ASPA: variants seen among roughly 807,000 people sequenced by gnomAD.
ASPA encodes ACY-2.
ASPA carries 25 observed loss-of-function variants against 29.6 expected under a neutral mutation model. The observed-to-expected ratio is 0.85, with a 90% CI of 0.62 to 1.18. The LOEUF (loss-of-function observed/expected upper bound fraction) is 1.18, where lower values mean the gene tolerates loss of function less well. ASPA is among the 50% of genes most tolerant of loss of function. The pLI, the probability that ASPA is intolerant of heterozygous loss-of-function variation, is 0.00. For missense variants in ASPA, 333 were observed against 385.7 expected (o/e 0.86, Z 1.14); for synonymous variants, 131 against 130.3 (o/e 1.01, Z -0.04).
Position 3,476,133 on chromosome 17 carries a change from G to A in ASPA, c.-27G>A. 6.3e-7 allele frequency: 1 copy of A among 1,591,454 alleles called. No individual in the cohort carries two copies. Among genetic ancestry groups the A allele is most frequent in the Non-Finnish European group, 8.6e-7 (1 of 1,160,406 alleles). On this transcript the variant is annotated 5_prime_UTR_variant, in exon 1 of 6. Coordinates refer to ENST00000263080, the MANE Select transcript of ASPA (RefSeq NM_000049.4). ...CCTTTGATCTCTCTTCTGAATTGCA[G>A]AAATCAGATAAAAACTACTTGGTGA...
intron 1 of ASPA, among the ~76,000 whole-genome samples, chr17:3,478,619 C>T (rs987149290): frequency 6.6e-6 from 1 of 152,114 alleles, no homozygotes; most frequent in Non-Finnish European, 1.5e-5. Context: ...TATGAGCACC[C>T]AGTAGTATGC....
In ASPA at chr17:3,490,541, G is replaced by A. The variant is rs955086799; in HGVS notation, c.634+1199G>A. Among the ~76,000 whole-genome samples, 5 of 145,888 alleles carry A rather than the reference G, an allele frequency of 3.4e-5. No homozygotes were observed. Among genetic ancestry groups the A allele is most frequent in the East Asian group, 1.9e-4 (1 of 5,156 alleles). ...TGAATTCCTCAACCTCAGATCGTGC[G>A]CACCCCACTGCAATCACAGACATTC... is the stretch of plus-strand genomic sequence containing the variant. On this transcript the variant is annotated intron_variant, in intron 4 of 5. Transcript: ENST00000263080. The surrounding 1 kb of genome is among the most constrained non-coding windows in gnomAD (Gnocchi z 4.6).
rs1010205367 is a variant in ASPA at position 3,485,290 on chromosome 17, G to A, written c.526+1698G>A. The stretch of plus-strand genomic sequence containing the variant: ...CTCCCAAAGTGCTGGGATTACAAGC[G>A]TGAGCCACCACACCTGTACCTCATT... On this transcript the variant is annotated intron_variant, in intron 3 of 5. Coordinates refer to ENST00000263080, the MANE Select transcript of ASPA (RefSeq NM_000049.4). The surrounding 1 kb of genome is among the most constrained non-coding windows in gnomAD (Gnocchi z 4.4). Among the ~76,000 whole-genome samples the A allele has an allele frequency of 2.0e-5, 3 of 152,092 alleles. No homozygotes were observed. Among genetic ancestry groups the A allele is most frequent in the Admixed American group, 6.6e-5 (1 of 15,262 alleles).
intron 1 of ASPA, among the ~76,000 whole-genome samples, chr17:3,481,030 G>T (rs1332555053): frequency 6.6e-6 from 1 of 152,088 alleles, no homozygotes; most frequent in African/African-American, 2.4e-5. Context: ...GGCTGAGATG[G>T]GAAGATTGCT....
chr17:3,498,767 C>T, intron 5 of ASPA, 124 bp from the exon 6 acceptor site: 1 of 987,534 alleles, frequency 1.0e-6, no homozygotes, highest in East Asian at 2.8e-5. Context: ...ATCTCAATGC[C>T]TCGCTCAAGT....
Position 3,490,276 on chromosome 17 carries a change from T to G in ASPA, c.634+934T>G, listed in dbSNP as rs560770288. Among the ~76,000 whole-genome samples the G allele has an allele frequency of 1.3e-5, 2 of 152,298 alleles. No individual in the cohort carries two copies. Among genetic ancestry groups the G allele is most frequent in the South Asian group, 2.1e-4 (1 of 4,826 alleles). ...TAAAAATTAATTAAACGGGGACTGG[T>G]GGACAAGGTGGGTATATGCAGCTCT... On this transcript the variant is annotated intron_variant, in intron 4 of 5. Coordinates refer to ENST00000263080, the MANE Select transcript of ASPA (RefSeq NM_000049.4). The surrounding 1 kb of genome is among the most constrained non-coding windows in gnomAD (Gnocchi z 4.6).
In ASPA at chr17:3,503,062, T is replaced by G. The variant is rs887432011; in HGVS notation, c.*3974T>G. The G allele has an allele frequency of 1.3e-5, 2 of 152,102 alleles. No homozygotes were observed. The highest frequency in any genetic ancestry group is 4.8e-5 in the African/African-American group (2 of 41,408). The allele number at this position is 152,102 out of a possible 1,614,324, so 9.4% of individuals were successfully genotyped here. ...TCTGCTGGACGCCGCCCCCTCCCTC[T>G]CCAGCCCCACCAGGGCCCTCCCCGC... On this transcript the variant is annotated 3_prime_UTR_variant, in exon 6 of 6. Transcript: ENST00000263080.
chr17:3,494,970 A>G (rs2073885738), intron 5 of ASPA, among the ~76,000 whole-genome samples: 1 of 152,140 alleles, frequency 6.6e-6, no homozygotes, highest in African/African-American at 2.4e-5. Flanking sequence ...CCTCCCTGTG[A>G]CAGAATAAGT....
rs201887670 is a variant in ASPA at position 3,494,392 on chromosome 17, T to A, written c.677T>A (p.Ile226Lys). 6.2e-7 allele frequency: 1 copy of A among 1,613,020 alleles called. No homozygotes were observed. Residue 226 changes from isoleucine (I) to lysine (K), a missense_variant, in exon 5 of 6, where the codon ATA becomes AAA. Transcript: ENST00000263080. ...TGCGCCATTGAGGTCTATAAAATTA[T>A]AGAGAAAGTTGATTACCCCCGGGAT... ...PPCAIEVYKI[I>K]EKVDYPRDEN...
At chr17:3,497,858 A>G (rs1163720463) in intron 5 of ASPA, among the ~76,000 whole-genome samples, 1 of 152,120 alleles carries the variant, frequency 6.6e-6, no homozygotes, top group Non-Finnish European at 1.5e-5. Flanking sequence ...CCCCCAACCT[A>G]TAGAATCAGA....
intron 3 of ASPA, among the ~76,000 whole-genome samples, chr17:3,484,243 C>T (rs2073682344): frequency 6.6e-6 from 1 of 152,154 alleles, no homozygotes; most frequent in African/African-American, 2.4e-5. Context: ...GAAATGTGTA[C>T]ATTTGACTAA....
intron 4 of ASPA, among the ~76,000 whole-genome samples, chr17:3,489,871 C>T (rs538325827): frequency 2.0e-5 from 3 of 152,190 alleles, no homozygotes; most frequent in African/African-American, 4.8e-5. Context: ...CAAAGAAACA[C>T]AAGCACAAGC....
At chr17:3,496,939 G>A (rs997585520) in intron 5 of ASPA, among the ~76,000 whole-genome samples, 10 of 152,210 alleles carry the variant, frequency 6.6e-5, no homozygotes, top group South Asian at 4.2e-4. Context: ...GGTGGCAGGC[G>A]CCTGTAATCC....
At chr17:3,487,060 A>ATGTGTGTG (rs1376995881) in intron 3 of ASPA, among the ~76,000 whole-genome samples, 1 of 131,744 alleles carries the variant, frequency 7.6e-6, no homozygotes, top group Non-Finnish European at 1.6e-5. Flanking sequence ...GTGTGTGTTT[A>ATGTGTGTG]TGTGTGTGTG....
At position 3,484,674 on chromosome 17, in the gene ASPA, G is replaced by A. The variant is rs58879097; in HGVS notation, c.526+1082G>A. On this transcript the variant is annotated intron_variant, in intron 3 of 5. Transcript: ENST00000263080. The stretch of plus-strand genomic sequence containing the variant: ...TTTAAAAATGGATTTCTAGAAAAAC[G>A]ATCACATACTTGAATATTTTAGCAA... Among the ~76,000 whole-genome samples, 552 of 152,238 alleles carry A rather than the reference G, an allele frequency of 3.6e-3. 5 individuals are homozygous for A. The highest frequency in any genetic ancestry group is 0.012 in the African/African-American group (503 of 41,538).
chr17:3,493,170 G>A (rs2150757490), intron 4 of ASPA, among the ~76,000 whole-genome samples: 1 of 152,276 alleles, frequency 6.6e-6, no homozygotes. Flanking sequence ...ATTGGGTTGA[G>A]GTTGCTGCAT....
intron 2 of ASPA, among the ~76,000 whole-genome samples, chr17:3,482,473 G>A (rs1237324440): frequency 6.6e-6 from 1 of 152,158 alleles, no homozygotes. Context: ...TCCTTCCTGA[G>A]AGCAAGGATG....
At chr17:3,480,431 T>C (rs1449587679) in intron 1 of ASPA, among the ~76,000 whole-genome samples, 2 of 152,178 alleles carry the variant, frequency 1.3e-5, no homozygotes, top group Non-Finnish European at 2.9e-5. Context: ...GGTAAAATCA[T>C]AGGGAGTTGG....
chr17:3,494,267 G>C (rs1311196184), intron 4 of ASPA, 83 bp from the exon 5 acceptor site: 4 of 1,068,552 alleles, frequency 3.7e-6, no homozygotes, highest in Non-Finnish European at 5.8e-6. Flanking sequence ...GCCTCCCAAA[G>C]TGCTGGGATG....
Sources: allele counts gnomAD v4.1 joint callset (sites outside exome capture counted in the v4.1 genomes callset), GRCh38; gene constraint gnomAD v4.1.1; non-coding constraint Gnocchi (gnomAD v3.1); transcripts MANE v1.5; gene names NCBI Gene and HGNC (gene_info 2026-07-23, HGNC 2026-07-21).